GSE1: variants seen among roughly 807,000 people sequenced by gnomAD.
GSE1 encodes Gse1 coiled-coil protein.
In GSE1, 32 loss-of-function variants were observed where a neutral mutation model predicts 112.6. The ratio of observed to expected loss-of-function variants is 0.28; its 90% CI spans 0.21 to 0.38. The LOEUF (loss-of-function observed/expected upper bound fraction) is 0.38. GSE1 is among the 10% of genes least tolerant of loss of function. The probability of loss-of-function intolerance (pLI) is 1.00; values close to 1 mark genes in which losing one functional copy is unlikely to be tolerated. For synonymous variants in GSE1, 1,115 were observed against 735.6 expected, an observed-to-expected ratio of 1.52 and a Z score of -8.35; for missense variants, 2,348 against 1,699.2, an observed-to-expected ratio of 1.38 and a Z score of -6.71.
intron 2 of GSE1, among the ~76,000 whole-genome samples, chr16:85,387,255 C>T (rs1465161504): frequency 1.3e-5 from 2 of 152,244 alleles, no homozygotes; most frequent in Admixed American, 6.5e-5. Context: ...CTGAGTCTCA[C>T]GCCCAGTGAC....
chr16:85,289,574 A>G (rs951812015), intron 1 of GSE1, among the ~76,000 whole-genome samples: 4 of 152,192 alleles, frequency 2.6e-5, no homozygotes, highest in Admixed American at 2.0e-4. Flanking sequence ...GGGAAGGCCA[A>G]TGTGCTGGGC....
At chr16:85,365,481 G>A (rs1240050013) in intron 2 of GSE1, among the ~76,000 whole-genome samples, 1 of 152,228 alleles carries the variant, frequency 6.6e-6, no homozygotes, top group Non-Finnish European at 1.5e-5. Context: ...CCAGCAGAGG[G>A]CAAGTACAGA....
chr16:85,515,774 G>A (rs1054579852), intron 2 of GSE1, among the ~76,000 whole-genome samples: 3 of 152,122 alleles, frequency 2.0e-5, no homozygotes, highest in African/African-American at 7.2e-5. Context: ...CTGCTCTTCA[G>A]TGGCCCCCAG....
chr16:85,622,340 G>A (rs1030928753), intron 1 of GSE1, among the ~76,000 whole-genome samples: 2 of 152,210 alleles, frequency 1.3e-5, no homozygotes, highest in African/African-American at 4.8e-5. Flanking sequence ...GAGTCTGGAC[G>A]AGGAAACGCC....
At chr16:85,356,621 T>C (rs1263642486) in intron 1 of GSE1, among the ~76,000 whole-genome samples, 5 of 152,198 alleles carry the variant, frequency 3.3e-5, no homozygotes, top group Non-Finnish European at 4.4e-5. Flanking sequence ...AATGAAGACA[T>C]CACAATCACA....
chr16:85,440,381 T>C (rs2049347896), intron 2 of GSE1, among the ~76,000 whole-genome samples: 1 of 152,238 alleles, frequency 6.6e-6, no homozygotes, highest in Non-Finnish European at 1.5e-5. Context: ...TGCCCAGAGA[T>C]AGCCAGCTGC....
intron 1 of GSE1, among the ~76,000 whole-genome samples, chr16:85,579,444 A>AT (rs1032457036): frequency 1.3e-5 from 2 of 152,192 alleles, no homozygotes; most frequent in African/African-American, 4.8e-5. Flanking sequence ...CAGAGTAATT[A>AT]TGTCTTAATG....
In GSE1 at chr16:85,269,886, G is replaced by A. The variant is rs1018456091; in HGVS notation, c.2284-87577G>A. 4.0e-5 allele frequency among the ~76,000 whole-genome samples: 6 copies of A among 149,562 alleles called. 1 individual carries two copies. Among genetic ancestry groups the A allele is most frequent in the Non-Finnish European group, 9.0e-5 (6 of 66,342 alleles). On this transcript the variant is annotated intron_variant, in intron 1 of 2. Coordinates refer to the GSE1 transcript ENST00000637419. ...CCATGTTGATGACCAAGCAGCACCC[G>A]AGGCAGCGCCGACATGTAGCTGCGT...
chr16:85,533,160 C>T (rs1368175592), intron 2 of GSE1, among the ~76,000 whole-genome samples: 5 of 152,136 alleles, frequency 3.3e-5, no homozygotes, highest in Non-Finnish European at 7.4e-5. Context: ...CGCCTGTAAT[C>T]CCAGCACTTT....
intron 1 of GSE1, among the ~76,000 whole-genome samples, chr16:85,276,992 G>A (rs1413085870): frequency 6.6e-6 from 1 of 152,128 alleles, no homozygotes; most frequent in African/African-American, 2.4e-5. Flanking sequence ...TCTGAGAGCA[G>A]GGGGACCCTG....
At chr16:85,460,100 T>C (rs1210190769) in intron 2 of GSE1, among the ~76,000 whole-genome samples, 1 of 152,222 alleles carries the variant, frequency 6.6e-6, no homozygotes, top group Non-Finnish European at 1.5e-5. Context: ...CACGATGTCC[T>C]GGGGGATGCA....
At chr16:85,432,239 C>T (rs914840560) in intron 2 of GSE1, among the ~76,000 whole-genome samples, 5 of 152,246 alleles carry the variant, frequency 3.3e-5, no homozygotes, top group Non-Finnish European at 5.9e-5. Context: ...AAGACGGGCA[C>T]GCCCAGATGG....
At chr16:85,628,535 C>T (rs1200926226) in intron 1 of GSE1, among the ~76,000 whole-genome samples, 1 of 152,082 alleles carries the variant, frequency 6.6e-6, no homozygotes, top group East Asian at 1.9e-4. Flanking sequence ...CAGAGGGCCT[C>T]CCTGGTCACC....
At chr16:85,649,011 T>C (rs995433518) in intron 3 of GSE1, among the ~76,000 whole-genome samples, 3 of 152,132 alleles carry the variant, frequency 2.0e-5, no homozygotes, top group Non-Finnish European at 4.4e-5. Flanking sequence ...TATTTTCTCC[T>C]GTTCTGGAGG....
intron 1 of GSE1, among the ~76,000 whole-genome samples, chr16:85,570,984 G>T (rs2045957741): frequency 6.6e-6 from 1 of 152,234 alleles, no homozygotes. Flanking sequence ...GCTTGAAGCA[G>T]ATTCTGAAGC....
intron 1 of GSE1, among the ~76,000 whole-genome samples, chr16:85,238,932 T>C (rs1904944040): frequency 2.0e-5 from 3 of 152,092 alleles, no homozygotes; most frequent in Admixed American, 2.0e-4. Flanking sequence ...CAGTGGCATT[T>C]TCTTTGTTTT....
intron 2 of GSE1, among the ~76,000 whole-genome samples, chr16:85,367,351 A>G (rs888317282): frequency 6.6e-6 from 1 of 152,200 alleles, no homozygotes; most frequent in Non-Finnish European, 1.5e-5. Flanking sequence ...TTTGTTCACA[A>G]GTGTTGATTG....
intron 2 of GSE1, among the ~76,000 whole-genome samples, chr16:85,414,713 A>C (rs1453273395): frequency 6.6e-6 from 1 of 152,152 alleles, no homozygotes; most frequent in Non-Finnish European, 1.5e-5. Context: ...TGGCTCACTG[A>C]AACCTCTGCC....
chr16:85,397,815 T>G (rs780866273), intron 2 of GSE1, among the ~76,000 whole-genome samples: 6 of 152,092 alleles, frequency 3.9e-5, no homozygotes, highest in Non-Finnish European at 5.9e-5. Flanking sequence ...AAGGTCTGAT[T>G]TAAATTCAGG....
Sources: allele counts gnomAD v4.1 joint callset (sites outside exome capture counted in the v4.1 genomes callset), GRCh38; gene constraint gnomAD v4.1.1; transcripts MANE v1.5; gene names NCBI Gene and HGNC (gene_info 2026-07-23, HGNC 2026-07-21).